The following PDK1 variants were observed in gnomAD, a reference collection of about 807,000 sequenced individuals.
PDK1 encodes [Pyruvate dehydrogenase (acetyl-transferring)] kinase isozyme 1, mitochondrial.
PDK1 carries 39 observed loss-of-function variants against 54.2 expected under a neutral mutation model. The observed-to-expected ratio is 0.72, with a 90% CI of 0.56 to 0.94. The LOEUF (loss-of-function observed/expected upper bound fraction) is 0.94, where lower values mean the gene tolerates loss of function less well. Ranked by LOEUF, PDK1 falls within the 40% of genes least tolerant of loss-of-function variation. The pLI is 0.00. For synonymous variants in PDK1, 221 were observed against 207.1 expected (o/e 1.07, Z -0.58); for missense variants, 552 against 566.0 (o/e 0.98, Z 0.25).
At chr2:172,561,002 T>C (rs77234351) in intron 2 of PDK1, among the ~76,000 whole-genome samples, 3,199 of 152,306 alleles carry the variant, frequency 0.021, 104 homozygotes, top group African/African-American at 0.074. Context: ...CTAATCGCAA[T>C]TTAAAAAAGC....
intron 2 of PDK1, among the ~76,000 whole-genome samples, chr2:172,561,557 C>T (rs550114195): frequency 3.3e-5 from 5 of 152,224 alleles, no homozygotes; most frequent in African/African-American, 4.8e-5. Flanking sequence ...GCTCTGGCCC[C>T]GCAGTGCCAT....
chr2:172,676,056 G>A, the PDK1 span, among the ~76,000 whole-genome samples: 1 of 151,996 alleles, frequency 6.6e-6, no homozygotes, highest in Non-Finnish European at 1.5e-5. Flanking sequence ...ATGGTTAACT[G>A]AATATTTTAA....
chr2:172,699,121 G>C, the PDK1 span, among the ~76,000 whole-genome samples: 1 of 152,160 alleles, frequency 6.6e-6, no homozygotes, highest in Admixed American at 6.5e-5. Context: ...AAATATTAAA[G>C]AATTATTATA....
At position 172,596,063 on chromosome 2, in the gene PDK1, T is replaced by TATA. The variant is rs1020513581; in HGVS notation, c.*96_*97insAAT. The TATA allele has an allele frequency of 1.9e-6, 2 of 1,076,840 alleles. No individual in the cohort carries two copies. Among genetic ancestry groups the TATA allele is most frequent in the African/African-American group, 3.2e-5 (2 of 63,384 alleles). 66.7% of individuals were successfully genotyped at this position (1,076,840 alleles called of 1,614,324 possible). A position where few individuals can be genotyped will look rare whatever the true frequency, so the allele number is the denominator to read the frequency against. ...ACTATATTATACCAAGTACTTTATT[T>TATA]ATCGTTTTCACAAAACTATTTGAGT... is the stretch of plus-strand genomic sequence containing the variant. On this transcript the variant is annotated 3_prime_UTR_variant, in exon 11 of 11. Coordinates refer to ENST00000282077, the MANE Select transcript of PDK1 (RefSeq NM_002610.5).
At chr2:172,662,095 T>C in the PDK1 span, among the ~76,000 whole-genome samples, 67 of 152,362 alleles carry the variant, frequency 4.4e-4, no homozygotes, top group East Asian at 0.011. Flanking sequence ...TTTGATTCAG[T>C]ACAAGGAAGT....
chr2:172,566,310 T>A (rs1201686505), intron 5 of PDK1, among the ~76,000 whole-genome samples: 1 of 152,060 alleles, frequency 6.6e-6, no homozygotes, highest in Non-Finnish European at 1.5e-5. Context: ...ATCCCAGCAC[T>A]TTGGAAGGCT....
the PDK1 span, among the ~76,000 whole-genome samples, chr2:172,684,759 A>G: frequency 1.3e-5 from 2 of 152,142 alleles, no homozygotes; most frequent in Non-Finnish European, 2.9e-5. Context: ...CCTTCACCCC[A>G]TGTCCAGTCA....
rs1346704707 is a variant in PDK1 at position 172,608,077 on chromosome 2, A to G, written c.*12108A>G. ...TGACTGACATTGAGACCCTTGATGC[A>G]AAAAGGTAAGTAGAAGAGAAGGCTG... On this transcript the variant is annotated 3_prime_UTR_variant, in exon 11 of 11. Transcript: ENST00000282077. 6.6e-6 allele frequency: 1 copy of G among 152,198 alleles called. No homozygotes were observed. The highest frequency in any genetic ancestry group is 6.5e-5 in the Admixed American group (1 of 15,274). 9.4% of individuals were successfully genotyped at this position (152,198 alleles called of 1,614,324 possible). A position where few individuals can be genotyped will look rare whatever the true frequency, so the allele number is the denominator to read the frequency against.
intron 9 of PDK1, among the ~76,000 whole-genome samples, chr2:172,587,646 G>A (rs1297592714): frequency 6.7e-6 from 1 of 150,148 alleles, no homozygotes; most frequent in Admixed American, 6.7e-5. Context: ...GTACCAGAGT[G>A]GCTTGCCGCT....
the PDK1 span, among the ~76,000 whole-genome samples, chr2:172,710,048 T>G: frequency 6.6e-6 from 1 of 152,208 alleles, no homozygotes; most frequent in Non-Finnish European, 1.5e-5. Flanking sequence ...ATGTTGACCC[T>G]GCTACCACTG....
the PDK1 span, among the ~76,000 whole-genome samples, chr2:172,614,709 A>G: frequency 6.6e-6 from 1 of 151,536 alleles, no homozygotes; most frequent in Non-Finnish European, 1.5e-5. Context: ...ACACAATAAA[A>G]CTCTTTTTCA....
the PDK1 span, among the ~76,000 whole-genome samples, chr2:172,615,212 C>A: frequency 6.6e-6 from 1 of 152,148 alleles, no homozygotes; most frequent in East Asian, 1.9e-4. Flanking sequence ...TCACTGCCAA[C>A]GTTGGATTCA....
the PDK1 span, among the ~76,000 whole-genome samples, chr2:172,620,826 C>G: frequency 6.6e-6 from 1 of 152,142 alleles, no homozygotes; most frequent in African/African-American, 2.4e-5. Flanking sequence ...TGAGGCCTCC[C>G]CAGAAGCAGA....
chr2:172,594,349 T>C (rs1348895910), intron 10 of PDK1, among the ~76,000 whole-genome samples: 1 of 152,124 alleles, frequency 6.6e-6, no homozygotes, highest in Non-Finnish European at 1.5e-5. Context: ...TATGACAAAA[T>C]GTAACATTTT....
the PDK1 span, among the ~76,000 whole-genome samples, chr2:172,658,189 A>G: frequency 6.6e-6 from 1 of 152,186 alleles, no homozygotes; most frequent in Non-Finnish European, 1.5e-5. Flanking sequence ...CCAAATTTCA[A>G]CATGAGATTT....
rs1403681062 is a variant in PDK1, at chr2:172,605,060, C to T, written c.*9091C>T. The T allele has an allele frequency of 6.6e-6, 1 of 152,128 alleles. No homozygotes were observed. The highest frequency in any genetic ancestry group is 1.5e-5 in the Non-Finnish European group (1 of 68,036). 9.4% of individuals were successfully genotyped at this position (152,128 alleles called of 1,614,324 possible). ...GAAAACTTTTCCCTCTATAGACTCC[C>T]CATTTTAAGAAGGAGGCACAGGGCT... is the stretch of plus-strand genomic sequence containing the variant. On this transcript the variant is annotated 3_prime_UTR_variant, in exon 11 of 11. Transcript: ENST00000282077.
At chr2:172,687,646 C>T in the PDK1 span, among the ~76,000 whole-genome samples, 2 of 152,078 alleles carry the variant, frequency 1.3e-5, no homozygotes, top group Non-Finnish European at 2.9e-5. Context: ...ACCTTCATTC[C>T]GAGGGGTCTG....
At chr2:172,701,240 C>G in the PDK1 span, among the ~76,000 whole-genome samples, 1 of 152,170 alleles carries the variant, frequency 6.6e-6, no homozygotes, top group African/African-American at 2.4e-5. Flanking sequence ...GTTGTTTCTT[C>G]TGATATTTCT....
At chr2:172,655,420 GC>G in the PDK1 span, among the ~76,000 whole-genome samples, 1 of 152,150 alleles carries the variant, frequency 6.6e-6, no homozygotes, top group Non-Finnish European at 1.5e-5. Flanking sequence ...GGAACCTTTT[GC>G]TAATCCCACT....
Sources: gnomAD v4.1 joint callset for allele counts (sites outside exome capture counted in the v4.1 genomes callset) on GRCh38, gnomAD v4.1.1 for gene constraint, MANE v1.5 for transcripts, NCBI Gene and HGNC (gene_info 2026-07-23, HGNC 2026-07-21) for gene names.